Variants in MTF2 observed in about 807,000 individuals in gnomAD.
MTF2 encodes the protein metal response element binding transcription factor 2.
In MTF2, 11 loss-of-function variants were observed where a neutral mutation model predicts 79.5. The observed-to-expected ratio is 0.14, with a 90% CI of 0.09 to 0.23. The LOEUF (loss-of-function observed/expected upper bound fraction) is 0.23, where lower values mean the gene tolerates loss of function less well. Among genes scored for constraint, MTF2 ranks in the 10% least tolerant of loss-of-function variants. The probability of loss-of-function intolerance (pLI) is 1.00; values close to 1 mark genes in which losing one functional copy is unlikely to be tolerated. For synonymous variants in MTF2, 208 were observed against 232.8 expected (o/e 0.89, Z 0.97); for missense variants, 486 against 711.2 (o/e 0.68, Z 3.60).
chr1:93,081,228 C>A (rs1307948994), intron 1 of MTF2, among the ~76,000 whole-genome samples: 3 of 152,168 alleles, frequency 2.0e-5, no homozygotes, highest in Non-Finnish European at 4.4e-5. Flanking sequence ...TTCTTTAAAT[C>A]ATCCCCGTTG....
chr1:93,129,494 A>G (rs1226822790), intron 11 of MTF2, 46 bp downstream of exon 11: 1 of 1,394,706 alleles, frequency 7.2e-7, no homozygotes, highest in Non-Finnish European at 9.6e-7. Flanking sequence ...GCTTATTTGT[A>G]ACTAAAAATG....
chr1:93,100,126 G>A (rs1372274356), intron 1 of MTF2, among the ~76,000 whole-genome samples: 2 of 152,112 alleles, frequency 1.3e-5, no homozygotes, highest in African/African-American at 2.4e-5. Flanking sequence ...TTGTAAATAC[G>A]AGGGTACCTT....
chr1:93,080,135 T>C (rs1321736582), intron 1 of MTF2, among the ~76,000 whole-genome samples: 1 of 151,284 alleles, frequency 6.6e-6, no homozygotes, highest in Non-Finnish European at 1.5e-5. Flanking sequence ...GAAAGTGAGA[T>C]GGGGGAAAGC....
chr1:93,124,758 A>ATAT (rs1369311518), intron 9 of MTF2, among the ~76,000 whole-genome samples: 2 of 151,930 alleles, frequency 1.3e-5, no homozygotes, highest in East Asian at 3.8e-4. Flanking sequence ...TTGGAACTTA[A>ATAT]TATTGGTAGT....
At chr1:93,105,584 T>C (rs1655741548) in intron 1 of MTF2, among the ~76,000 whole-genome samples, 1 of 152,196 alleles carries the variant, frequency 6.6e-6, no homozygotes, top group Non-Finnish European at 1.5e-5. Context: ...TTAAATTACC[T>C]CTATATATCT....
chr1:93,106,481 G>A (rs1655793739), intron 1 of MTF2, among the ~76,000 whole-genome samples: 1 of 151,240 alleles, frequency 6.6e-6, no homozygotes, highest in African/African-American at 2.4e-5. Flanking sequence ...TTTAACTGAA[G>A]GGATGCAAAA....
At chr1:93,079,755 G>A (rs1386482619) in intron 1 of MTF2, among the ~76,000 whole-genome samples, 5 of 152,032 alleles carry the variant, frequency 3.3e-5, no homozygotes, top group Admixed American at 3.3e-4. Flanking sequence ...GAGCGAGGAG[G>A]TCGTTGGGGG....
intron 1 of MTF2, among the ~76,000 whole-genome samples, chr1:93,096,973 G>A (rs1655317259): frequency 1.3e-5 from 2 of 151,562 alleles, no homozygotes; most frequent in South Asian, 4.2e-4. Context: ...ACCATGCCTG[G>A]CTAATTTTTA....
intron 10 of MTF2, among the ~76,000 whole-genome samples, chr1:93,127,709 A>G (rs1656753628): frequency 6.6e-6 from 1 of 152,208 alleles, no homozygotes; most frequent in Non-Finnish European, 1.5e-5. Flanking sequence ...ATAATAGTTA[A>G]CACCATTAGT....
chr1:93,091,902 CTA>C (rs1304663633), intron 1 of MTF2, among the ~76,000 whole-genome samples: 4 of 152,160 alleles, frequency 2.6e-5, no homozygotes, highest in Non-Finnish European at 2.9e-5. Context: ...TCAGAGAAAA[CTA>C]TATATAAAGT....
intron 11 of MTF2, among the ~76,000 whole-genome samples, chr1:93,130,828 T>C (rs1232603851): frequency 5.9e-5 from 9 of 152,144 alleles, no homozygotes; most frequent in Non-Finnish European, 1.3e-4. Context: ...ATGCCCAGAT[T>C]TCTGGCCTGA....
intron 9 of MTF2, chr1:93,120,976 G>T: frequency 9.3e-7 from 1 of 1,078,900 alleles, no homozygotes; most frequent in South Asian, 2.7e-5. Flanking sequence ...CTTTAGTATT[G>T]GGTATCTTAC....
intron 1 of MTF2, 85 bp from the exon 2 acceptor site, chr1:93,110,145 C>A: frequency 1.5e-6 from 2 of 1,298,284 alleles, no homozygotes; most frequent in South Asian, 1.3e-5. Context: ...AAATTTAAAA[C>A]TTTGATTAAC....
At chr1:93,100,622 A>G (rs781195209) in intron 1 of MTF2, among the ~76,000 whole-genome samples, 1 of 152,106 alleles carries the variant, frequency 6.6e-6, no homozygotes, top group Non-Finnish European at 1.5e-5. Context: ...TATTGTTTCT[A>G]AAACTAAGGA....
rs1313302940 is a variant in MTF2, at chr1:93,133,943, T to A, written c.1282T>A (p.Ser428Thr). 3 of 1,577,820 alleles carry A rather than the reference T, an allele frequency of 1.9e-6. No homozygotes were observed. Among genetic ancestry groups the A allele is most frequent in the Non-Finnish European group, 2.6e-6 (3 of 1,151,012 alleles). Residue 428 changes from serine (S) to threonine (T), a missense_variant, in exon 13 of 15, where the codon TCA becomes ACA. Coordinates refer to ENST00000370298, the MANE Select transcript of MTF2 (RefSeq NM_007358.4). ...AEPLLDKESISENPTLDLPCS... is the reference protein window; with the variant it reads ...AEPLLDKESITENPTLDLPCS... ...TATTTTCCAGGATAAGGAATCAATT[T>A]CAGAGAATCCTACTTTGGATTTACC...
In MTF2 at chr1:93,118,378, T is replaced by C; in HGVS notation, c.666T>C (p.Cys222=). 6.2e-7 allele frequency: 1 copy of C among 1,603,492 alleles called. No individual in the cohort carries two copies. Among genetic ancestry groups the C allele is most frequent in the Non-Finnish European group, 8.5e-7 (1 of 1,174,398 alleles). Residue 222 remains cysteine, a synonymous_variant, in exon 7 of 15, where the codon TGT becomes TGC. Coordinates refer to ENST00000370298, the MANE Select transcript of MTF2 (RefSeq NM_007358.4). ...TGAAGATGCTACAGTGCTGCAAATG[T>C]AAGCAGTGGTTTCATGAGGCTTGTG... ...WYLKMLQCCK[C]KQWFHEACVQ...
In MTF2 at chr1:93,137,443, A is replaced by T. The variant is rs1323028321; in HGVS notation, c.*416A>T. 6.3e-6 allele frequency: 1 copy of T among 158,252 alleles called. No homozygotes were observed. Among genetic ancestry groups the T allele is most frequent in the African/African-American group, 2.4e-5 (1 of 41,492 alleles). The allele number at this position is 158,252 out of a possible 1,614,324, so 9.8% of individuals were successfully genotyped here. A position where few individuals can be genotyped will look rare whatever the true frequency, so the allele number is the denominator to read the frequency against. On this transcript the variant is annotated 3_prime_UTR_variant, in exon 15 of 15. Coordinates refer to ENST00000370298, the MANE Select transcript of MTF2 (RefSeq NM_007358.4). ...GTTTTGTTACCAAAATGTTGGAAAA[A>T]TTTATTTCAATACCTTTTAGATTTC... is the stretch of plus-strand genomic sequence containing the variant.
At chr1:93,121,163 A>G (rs1656460159) in intron 9 of MTF2, 3 of 984,746 alleles carry the variant, frequency 3.0e-6, no homozygotes, top group Admixed American at 6.1e-5. Context: ...ATAGAAAATT[A>G]TCCCCTCTCA....
chr1:93,121,368 A>G (rs573388631), intron 9 of MTF2: 2 of 802,510 alleles, frequency 2.5e-6, no homozygotes, highest in South Asian at 5.7e-5. Flanking sequence ...ATTTAGAATT[A>G]CTAAAGTACA....
Sources: allele counts gnomAD v4.1 joint callset (sites outside exome capture counted in the v4.1 genomes callset), GRCh38; gene constraint gnomAD v4.1.1; transcripts MANE v1.5; gene names NCBI Gene and HGNC (gene_info 2026-07-23, HGNC 2026-07-21).